Variants in AGFG1 observed in about 807,000 individuals in gnomAD.
AGFG1 encodes the protein ArfGAP with FG repeats 1.
In AGFG1, 10 loss-of-function variants were observed where a neutral mutation model predicts 60.6. The observed-to-expected ratio is 0.16, with a 90% CI of 0.10 to 0.28. The LOEUF (loss-of-function observed/expected upper bound fraction) is 0.28. Among genes scored for constraint, AGFG1 ranks in the 10% least tolerant of loss-of-function variants. The probability of loss-of-function intolerance (pLI) is 1.00; values close to 1 mark genes in which losing one functional copy is unlikely to be tolerated. For missense variants in AGFG1, 537 were observed against 676.5 expected (o/e 0.79, Z 2.29); for synonymous variants, 247 against 242.9 (o/e 1.02, Z -0.16).
intron 12 of AGFG1, 32 bp downstream of exon 12, chr2:227,553,827 AGTT>A: frequency 6.7e-7 from 1 of 1,488,516 alleles, no homozygotes; most frequent in Non-Finnish European, 9.3e-7. Context: ...ATACTTTATA[AGTT>A]GTTAAATCTT....
intron 10 of AGFG1, among the ~76,000 whole-genome samples, chr2:227,541,857 C>T (rs1692501903): frequency 6.6e-6 from 1 of 152,076 alleles, no homozygotes; most frequent in African/African-American, 2.4e-5. Flanking sequence ...TTGTTTGTGT[C>T]CTCTTTTATT....
At chr2:227,507,006 C>A (rs996060277) in intron 2 of AGFG1, among the ~76,000 whole-genome samples, 6 of 152,066 alleles carry the variant, frequency 3.9e-5, no homozygotes, top group Non-Finnish European at 8.8e-5. Context: ...TAATCAAAAA[C>A]CACTTTAAAA....
At chr2:227,519,706 G>A (rs1329610941) in intron 2 of AGFG1, among the ~76,000 whole-genome samples, 1 of 152,062 alleles carries the variant, frequency 6.6e-6, no homozygotes. Flanking sequence ...AAGACCCCAG[G>A]TCCTCTGAAA....
rs1317614539 is a variant in AGFG1, at chr2:227,491,628, A to T, written c.249A>T (p.Lys83Asn). The T allele has an allele frequency of 1.3e-6, 2 of 1,551,412 alleles. No homozygotes were observed. Among genetic ancestry groups the T allele is most frequent in the Non-Finnish European group, 1.7e-6 (2 of 1,153,102 alleles). Reference protein sequence around the residue: ...FTQQEIEFLQKHGNEVCKQIW... With the variant: ...FTQQEIEFLQNHGNEVCKQIW... Reference sequence around the variant, plus strand: ...AACAGGAAATTGAATTCTTACAAAAACATGGAAATGAAGTAAGTGGTTTTT... The same window carrying T: ...AACAGGAAATTGAATTCTTACAAAATCATGGAAATGAAGTAAGTGGTTTTT... The change falls in exon 2 of 13, where the codon AAA becomes AAT. Residue 83 changes from lysine to asparagine, a missense_variant. Physicochemically the swap from Lys to Asn is moderately conservative, Grantham distance 94 (BLOSUM62 0). Around this residue, in one of 4 missense-constraint regions of AGFG1, gnomAD observed 120 missense variants for 198.5 expected, o/e 0.60. Transcript: ENST00000310078.
intron 1 of AGFG1, among the ~76,000 whole-genome samples, chr2:227,488,840 G>A (rs1002195542): frequency 6.6e-6 from 1 of 152,142 alleles, no homozygotes; most frequent in African/African-American, 2.4e-5. Flanking sequence ...TTATTTGAGA[G>A]TCTAGCTCTG....
intron 2 of AGFG1, among the ~76,000 whole-genome samples, chr2:227,493,635 C>G (rs574125905): frequency 6.6e-6 from 1 of 152,230 alleles, no homozygotes; most frequent in East Asian, 1.9e-4. Context: ...AATCTTAAGT[C>G]CTACAAAGAG....
chr2:227,475,920 A>C (rs1690267926), intron 1 of AGFG1, among the ~76,000 whole-genome samples: 1 of 152,266 alleles, frequency 6.6e-6, no homozygotes, highest in Admixed American at 6.5e-5. Context: ...ATATGAATAC[A>C]TAGCAAATAG....
At chr2:227,507,303 A>T (rs944508837) in intron 2 of AGFG1, among the ~76,000 whole-genome samples, 1 of 152,166 alleles carries the variant, frequency 6.6e-6, no homozygotes, top group Non-Finnish European at 1.5e-5. Context: ...GCTGGCTCCT[A>T]CCTAACAAGG....
At chr2:227,537,080 C>A in intron 10 of AGFG1, 87 bp downstream of exon 10, 3 of 1,150,886 alleles carry the variant, frequency 2.6e-6, no homozygotes, top group Non-Finnish European at 2.5e-6. Flanking sequence ...GAAAATGGGG[C>A]CTCTTTCTTA....
At chr2:227,489,916 A>G (rs995678643) in intron 1 of AGFG1, among the ~76,000 whole-genome samples, 1 of 152,174 alleles carries the variant, frequency 6.6e-6, no homozygotes, top group East Asian at 1.9e-4. Flanking sequence ...CCTGGGTTCA[A>G]GCAATTTTCA....
At position 227,523,882 on chromosome 2, in the gene AGFG1, A is replaced by G. The variant is rs1282035562; in HGVS notation, c.497A>G (p.Asp166Gly). 2 of 1,613,894 alleles carry G rather than the reference A, an allele frequency of 1.2e-6. No homozygotes were observed. The highest frequency in any genetic ancestry group is 1.7e-6 in the Non-Finnish European group (2 of 1,179,908). Residue 166 changes from aspartate to glycine, a missense_variant, in exon 4 of 13, where the codon GAT (aspartate) becomes GGT (glycine). By Grantham distance (94) the Asp-to-Gly change is moderately conservative. Coordinates refer to ENST00000310078, the MANE Select transcript of AGFG1 (RefSeq NM_004504.5). Reference protein sequence around the residue: ...EVKPLKSLLGDSAPTLHLNKG... With the variant: ...EVKPLKSLLGGSAPTLHLNKG... ...AAACCACTGAAATCTCTTTTAGGGG[A>G]TTCTGCACCAACACTGCACTTAAAT... is the stretch of plus-strand genomic sequence containing the variant.
At position 227,555,763 on chromosome 2, in the gene AGFG1, A is replaced by C. The variant is rs1049647865; in HGVS notation, c.*1268A>C. On this transcript the variant is annotated 3_prime_UTR_variant, in exon 13 of 13. Coordinates refer to ENST00000310078, the MANE Select transcript of AGFG1 (RefSeq NM_004504.5). Reference sequence around the variant, plus strand: ...GTAATGCCTCATTCATCTAGAGGTAATCTGGCAGTCTTGTGAAAACCGAAC... The same window carrying C: ...GTAATGCCTCATTCATCTAGAGGTACTCTGGCAGTCTTGTGAAAACCGAAC... The C allele has an allele frequency of 6.6e-6, 1 of 152,342 alleles. No individual in the cohort carries two copies. The highest frequency in any genetic ancestry group is 1.5e-5 in the Non-Finnish European group (1 of 68,024). 9.4% of individuals were successfully genotyped at this position (152,342 alleles called of 1,614,324 possible).
chr2:227,485,702 C>CT (rs1391326764), intron 1 of AGFG1, among the ~76,000 whole-genome samples: 1 of 152,188 alleles, frequency 6.6e-6, no homozygotes, highest in African/African-American at 2.4e-5. Context: ...AATCTGCTCT[C>CT]TACCTGATTT....
At chr2:227,491,743 ATAAGT>A (rs1420721055) in intron 2 of AGFG1, 103 bp downstream of exon 2, 1 of 620,924 alleles carries the variant, frequency 1.6e-6, no homozygotes, top group African/African-American at 1.9e-5. Context: ...CACGGTCTAA[ATAAGT>A]TATTTTTGTA....
chr2:227,483,087 T>C (rs554685702), intron 1 of AGFG1, among the ~76,000 whole-genome samples: 5 of 151,938 alleles, frequency 3.3e-5, no homozygotes, highest in South Asian at 2.1e-4. Context: ...GTGGTTTACT[T>C]ACCCAACACT....
chr2:227,535,043 G>GC lies in AGFG1; in HGVS notation c.1205+21dup. On this transcript the variant is annotated intron_variant, in intron 8 of 12. Transcript: ENST00000310078. Reference sequence around the variant, plus strand: ...GCTAGCAGGTACCTTGTCTTAGCTAGCCCTCCTGCTTTGTGTTTTATCTTT... The same window carrying GC: ...GCTAGCAGGTACCTTGTCTTAGCTAGCCCCTCCTGCTTTGTGTTTTATCTTT... 1 of 1,560,246 alleles carries GC rather than the reference G, an allele frequency of 6.4e-7. No homozygotes were observed. The highest frequency in any genetic ancestry group is 1.4e-5 in the African/African-American group (1 of 73,108).
At chr2:227,542,742 C>G (rs995953527) in intron 10 of AGFG1, among the ~76,000 whole-genome samples, 17 of 152,184 alleles carry the variant, frequency 1.1e-4, no homozygotes, top group African/African-American at 3.9e-4. Flanking sequence ...GAACCAGCTC[C>G]TCTTTGTACC....
chr2:227,509,186 T>C (rs1166590370), intron 2 of AGFG1, among the ~76,000 whole-genome samples: 1 of 152,186 alleles, frequency 6.6e-6, no homozygotes, highest in Non-Finnish European at 1.5e-5. Context: ...ATTGATGTTG[T>C]GTATCTTTCT....
chr2:227,550,764 A>G (rs111274932), intron 10 of AGFG1, among the ~76,000 whole-genome samples: 1 of 152,356 alleles, frequency 6.6e-6, no homozygotes, highest in African/African-American at 2.4e-5. Context: ...AAAATAAAAG[A>G]CATTCCGTGT....
Sources: gnomAD v4.1 joint callset for allele counts (sites outside exome capture counted in the v4.1 genomes callset) on GRCh38, gnomAD v4.1.1 for gene constraint, gnomAD v4.1.1 regional missense constraint, MANE v1.5 for transcripts, NCBI Gene and HGNC (gene_info 2026-07-23, HGNC 2026-07-21) for gene names.